SEPTIN9: variants seen among roughly 807,000 people sequenced by gnomAD.
SEPTIN9 encodes the protein septin-9.
SEPTIN9 carries 13 observed loss-of-function variants against 56.6 expected under a neutral mutation model. The ratio of observed to expected loss-of-function variants is 0.23; its 90% CI spans 0.15 to 0.37. The LOEUF is 0.37. Among genes scored for constraint, SEPTIN9 ranks in the 10% least tolerant of loss-of-function variants. The probability of loss-of-function intolerance (pLI) is 1.00; values close to 1 mark genes in which losing one functional copy is unlikely to be tolerated. For missense variants in SEPTIN9, 650 were observed against 823.1 expected (o/e 0.79, Z 2.57); for synonymous variants, 332 against 334.1 (o/e 0.99, Z 0.07).
At chr17:77,413,417 C>G (rs1252497510) in intron 3 of SEPTIN9, among the ~76,000 whole-genome samples, 1 of 152,094 alleles carries the variant, frequency 6.6e-6, no homozygotes, top group Non-Finnish European at 1.5e-5. Flanking sequence ...TATTTAAAAT[C>G]CGTCAGCTTA....
At position 77,499,779 on chromosome 17, in the gene SEPTIN9, A is replaced by C; in HGVS notation, c.*1121A>C. 3 of 339,654 alleles carry C rather than the reference A, an allele frequency of 8.8e-6. No individual in the cohort carries two copies. Among genetic ancestry groups the C allele is most frequent in the Admixed American group, 4.6e-5 (1 of 21,934 alleles). 21.0% of individuals were successfully genotyped at this position (339,654 alleles called of 1,614,324 possible). Reference sequence around the variant, plus strand: ...ACCCTTCCTGGCCCAGGCCTTGCTGACTCTCTGAGCTGGGGAGGTGGGAGG... The same window carrying C: ...ACCCTTCCTGGCCCAGGCCTTGCTGCCTCTCTGAGCTGGGGAGGTGGGAGG... On this transcript the variant is annotated 3_prime_UTR_variant, in exon 12 of 12. Transcript: ENST00000427177.
At chr17:77,378,030 T>C (rs531907497) in intron 2 of SEPTIN9, among the ~76,000 whole-genome samples, 3 of 152,130 alleles carry the variant, frequency 2.0e-5, no homozygotes, top group Admixed American at 2.0e-4. Context: ...TACGAGTTGG[T>C]TCATTTAGAG....
rs9897357 is a variant in SEPTIN9, at chr17:77,498,941, C to G, written c.*283C>G. ...CCCTCTGTCCCCAGGCCTGGCTCCC[C>G]GAGGGCTCAGAAGAGCAGCTTCGGT... On this transcript the variant is annotated 3_prime_UTR_variant, in exon 12 of 12. Coordinates refer to ENST00000427177, the MANE Select transcript of SEPTIN9 (RefSeq NM_001113491.2). 1 of 558,228 alleles carries G rather than the reference C, an allele frequency of 1.8e-6. No homozygotes were observed. The highest frequency in any genetic ancestry group is 2.2e-5 in the Admixed American group (1 of 45,578). The allele number at this position is 558,228 out of a possible 1,614,324, so 34.6% of individuals were successfully genotyped here.
At position 77,319,350 on chromosome 17, in the gene SEPTIN9, T is replaced by A. The variant is rs1045866399; in HGVS notation, c.76+12153T>A. On this transcript the variant is annotated intron_variant, in intron 2 of 11. Transcript: ENST00000427177. This position sits in a 1 kb window ranked among gnomAD's most constrained non-coding sequence, Gnocchi z 5.3. ...GCCTCTGAGGACCCCGGATGAACAG[T>A]GGGGAACAGCACTGATCCCCCAGTG... Among the ~76,000 whole-genome samples, 1 of 152,178 alleles carries A rather than the reference T, an allele frequency of 6.6e-6. No individual in the cohort carries two copies. The highest frequency in any genetic ancestry group is 1.5e-5 in the Non-Finnish European group (1 of 68,024).
rs568302184 is a variant in SEPTIN9 at position 77,337,259 on chromosome 17, T to C, written c.76+30062T>C. Reference sequence around the variant, plus strand: ...CTTGAGCTTAAGCAATACTCCCACCTCTGCCTCCCAAAGTGCTGAGATTAC... The same window carrying C: ...CTTGAGCTTAAGCAATACTCCCACCCCTGCCTCCCAAAGTGCTGAGATTAC... On this transcript the variant is annotated intron_variant, in intron 2 of 11. Transcript: ENST00000427177. Among the ~76,000 whole-genome samples, 111 of 152,292 alleles carry C rather than the reference T, an allele frequency of 7.3e-4. 1 individual carries two copies. The highest frequency in any genetic ancestry group is 2.6e-3 in the African/African-American group (106 of 41,568).
intron 1 of SEPTIN9, among the ~76,000 whole-genome samples, chr17:77,302,141 T>C (rs1023387754): frequency 3.9e-5 from 6 of 152,330 alleles, no homozygotes; most frequent in Non-Finnish European, 8.8e-5. Context: ...TTCCATCTTG[T>C]GACTTGCCAG....
In SEPTIN9 at chr17:77,475,002, TA is replaced by T. The variant is rs1011731529; in HGVS notation, c.722-7131del. Among the ~76,000 whole-genome samples, 29 of 147,398 alleles carry T rather than the reference TA, an allele frequency of 2.0e-4. No individual in the cohort carries two copies. In the South Asian group the frequency reaches 3.4e-3, roughly 17 times the overall value. On this transcript the variant is annotated intron_variant, in intron 3 of 11. Transcript: ENST00000427177. This position sits in a 1 kb window ranked among gnomAD's most constrained non-coding sequence, Gnocchi z 4.6. ...ACCAACATTAGTGAGACCCACTCTC[TA>T]AAAAAAAAAATTAGAGTAACGCCTG...
chr17:77,290,091 C>A (rs1415721551), intron 1 of SEPTIN9, among the ~76,000 whole-genome samples: 3 of 151,976 alleles, frequency 2.0e-5, no homozygotes, highest in Non-Finnish European at 4.4e-5. Context: ...AGGGAACCAC[C>A]CTCTCCCCAG....
Position 77,369,363 on chromosome 17 carries a change from A to C in SEPTIN9, c.77-32696A>C, listed in dbSNP as rs995641845. ...CCCAGGTGGCCGGTTGTTGACCGTT[A>C]ACTGGCACACTACTGGAGGAGGGAG... is the stretch of plus-strand genomic sequence containing the variant. On this transcript the variant is annotated intron_variant, in intron 2 of 11. Coordinates refer to ENST00000427177, the MANE Select transcript of SEPTIN9 (RefSeq NM_001113491.2). The surrounding 1 kb of genome is among the most constrained non-coding windows in gnomAD (Gnocchi z 4.9). Among the ~76,000 whole-genome samples, 1 of 152,156 alleles carries C rather than the reference A, an allele frequency of 6.6e-6. No individual in the cohort carries two copies. The highest frequency in any genetic ancestry group is 1.5e-5 in the Non-Finnish European group (1 of 68,020).
At chr17:77,411,602 A>G (rs2036303520) in intron 3 of SEPTIN9, among the ~76,000 whole-genome samples, 1 of 151,336 alleles carries the variant, frequency 6.6e-6, no homozygotes, top group Non-Finnish European at 1.5e-5. Flanking sequence ...GGGTTTCACC[A>G]TGTTGGCCAG....
In SEPTIN9 at chr17:77,310,128, G is replaced by A. The variant is rs563798031; in HGVS notation, c.76+2931G>A. 5.3e-5 allele frequency among the ~76,000 whole-genome samples: 8 copies of A among 151,718 alleles called. No individual in the cohort carries two copies. The highest frequency in any genetic ancestry group is 3.9e-4 in the East Asian group (2 of 5,192). ...TCAGTAGCCAGGATTACAGGCACCC[G>A]CCACCATGTCTGGCTAATTTTTTTT... On this transcript the variant is annotated intron_variant, in intron 2 of 11. Transcript: ENST00000427177. The surrounding 1 kb of genome is among the most constrained non-coding windows in gnomAD (Gnocchi z 4.7).
Position 77,487,394 on chromosome 17 carries a change from C to A in SEPTIN9, c.914-30C>A. ...GACCCTGCTGGTCTCTCCGGAGAGA[C>A]CCCTGACCGGCCTCCCATCCTCTCC... is the stretch of plus-strand genomic sequence containing the variant. On this transcript the variant is annotated intron_variant, in intron 4 of 11. Transcript: ENST00000427177. This position sits in a 1 kb window ranked among gnomAD's most constrained non-coding sequence, Gnocchi z 4.3. 1 of 1,577,790 alleles carries A rather than the reference C, an allele frequency of 6.3e-7. No individual in the cohort carries two copies. The highest frequency in any genetic ancestry group is 8.6e-7 in the Non-Finnish European group (1 of 1,162,966).
At chr17:77,396,893 A>G in intron 2 of SEPTIN9, 1 of 153,816 alleles carries the variant, frequency 6.5e-6, no homozygotes, top group Non-Finnish European at 1.5e-5. Flanking sequence ...AAGAAGGGGG[A>G]AGGAGGCAGC....
At chr17:77,462,270 C>T (rs2038511124) in intron 3 of SEPTIN9, among the ~76,000 whole-genome samples, 1 of 152,342 alleles carries the variant, frequency 6.6e-6, no homozygotes, top group East Asian at 1.9e-4. Flanking sequence ...CAAAGTCTCA[C>T]TCTGTCGCAC....
chr17:77,471,599 A>G (rs1288873474), intron 3 of SEPTIN9, among the ~76,000 whole-genome samples: 1 of 152,244 alleles, frequency 6.6e-6, no homozygotes, highest in Admixed American at 6.5e-5. Context: ...GGCTGGAGAG[A>G]GGGAAGCTCT....
intron 2 of SEPTIN9, among the ~76,000 whole-genome samples, chr17:77,370,499 G>A (rs919235265): frequency 4.6e-5 from 7 of 152,170 alleles, no homozygotes; most frequent in African/African-American, 1.7e-4. Context: ...CACATTTGAG[G>A]TTCCAAGTGG....
At chr17:77,412,129 CAAAAAAAAA>C (rs756030644) in intron 3 of SEPTIN9, among the ~76,000 whole-genome samples, 4 of 67,398 alleles carry the variant, frequency 5.9e-5, no homozygotes, top group Middle Eastern at 8.6e-3. Flanking sequence ...GACTCCCTAT[CAAAAAAAAA>C]AAAAAAAAAA....
rs899346434 is a variant in SEPTIN9, at chr17:77,475,542, C to T, written c.722-6602C>T. 2 of 1,612,482 alleles carry T rather than the reference C, an allele frequency of 1.2e-6. No individual in the cohort carries two copies. The highest frequency in any genetic ancestry group is 1.7e-6 in the Non-Finnish European group (2 of 1,179,718). ...CCATGGGCTCAAGTTTCTGGGAAGG[C>T]CTGCAGGTGGCCGTAGGGCTGCCGC... is the stretch of plus-strand genomic sequence containing the variant. On this transcript the variant is annotated intron_variant, in intron 3 of 11. Coordinates refer to ENST00000427177, the MANE Select transcript of SEPTIN9 (RefSeq NM_001113491.2). The surrounding 1 kb of genome is among the most constrained non-coding windows in gnomAD (Gnocchi z 4.6).
In SEPTIN9 at chr17:77,488,327, G is replaced by T. The variant is rs2039881206; in HGVS notation, c.1124+6G>T. ...CACATCAACAACGAGAACTGGTGAG[G>T]CCCCTCCAGGGGGAGGAGCACTAGC... is the stretch of plus-strand genomic sequence containing the variant. On this transcript the variant is annotated splice_donor_region_variant and intron_variant, in intron 6 of 11. Transcript: ENST00000427177. The T allele has an allele frequency of 6.2e-7, 1 of 1,611,718 alleles. No homozygotes were observed. Among genetic ancestry groups the T allele is most frequent in the Non-Finnish European group, 8.5e-7 (1 of 1,178,220 alleles).
Sources: allele counts gnomAD v4.1 joint callset (sites outside exome capture counted in the v4.1 genomes callset), GRCh38; gene constraint gnomAD v4.1.1; non-coding constraint Gnocchi (gnomAD v3.1); transcripts MANE v1.5; gene names NCBI Gene and HGNC (gene_info 2026-07-23, HGNC 2026-07-21).